The following PIBF1 variants were observed in gnomAD, a reference collection of about 807,000 sequenced individuals.
The protein encoded by PIBF1 is progesterone immunomodulatory binding factor 1.
PIBF1 carries 90 observed loss-of-function variants against 112.5 expected under a neutral mutation model. The observed-to-expected ratio is 0.80, with a 90% CI of 0.67 to 0.95. PIBF1 has a LOEUF of 0.95. Among genes scored for constraint, PIBF1 ranks in the 40% least tolerant of loss-of-function variants. The probability of loss-of-function intolerance (pLI) is 0.00; values close to 1 mark genes in which losing one functional copy is unlikely to be tolerated. For missense variants in PIBF1, 915 were observed against 852.3 expected, an observed-to-expected ratio of 1.07 and a Z score of -0.92; for synonymous variants, 301 against 288.6, an observed-to-expected ratio of 1.04 and a Z score of -0.44.
chr13:72,947,784 C>T (rs947524052), intron 14 of PIBF1, among the ~76,000 whole-genome samples: 4 of 152,128 alleles, frequency 2.6e-5, no homozygotes, highest in Non-Finnish European at 2.9e-5. Flanking sequence ...AACACGTGTA[C>T]GCATATATTT....
intron 11 of PIBF1, among the ~76,000 whole-genome samples, chr13:72,906,412 A>G (rs1354763228): frequency 6.6e-6 from 1 of 152,166 alleles, no homozygotes; most frequent in Non-Finnish European, 1.5e-5. Context: ...CCTAAAATTA[A>G]TGGGCTTATT....
intron 9 of PIBF1, among the ~76,000 whole-genome samples, chr13:72,850,658 G>T (rs976470498): frequency 1.3e-5 from 2 of 152,200 alleles, no homozygotes; most frequent in Non-Finnish European, 2.9e-5. Flanking sequence ...GAATAATGAA[G>T]CTGTATTTGA....
At chr13:72,991,320 A>G (rs990039951) in intron 16 of PIBF1, among the ~76,000 whole-genome samples, 3 of 152,230 alleles carry the variant, frequency 2.0e-5, no homozygotes, top group Non-Finnish European at 4.4e-5. Context: ...TCACAAGAAC[A>G]TCCTTGCCCT....
intron 16 of PIBF1, among the ~76,000 whole-genome samples, chr13:72,984,854 C>T (rs1030932922): frequency 6.6e-6 from 1 of 152,118 alleles, no homozygotes; most frequent in African/African-American, 2.4e-5. Context: ...ATTAATATCT[C>T]ATCATAAAAA....
At chr13:72,825,465 T>C (rs1007935834) in intron 6 of PIBF1, among the ~76,000 whole-genome samples, 5 of 152,170 alleles carry the variant, frequency 3.3e-5, no homozygotes, top group African/African-American at 4.8e-5. Flanking sequence ...GGTCCACTTA[T>C]ATTCAGGTTT....
intron 17 of PIBF1, among the ~76,000 whole-genome samples, chr13:73,012,593 A>C (rs9530135): frequency 0.12 from 18,047 of 151,456 alleles, 1,248 homozygotes; most frequent in Non-Finnish European, 0.16. Context: ...ACAAAAAAAA[A>C]CAAAAAAAAC....
In PIBF1 at chr13:72,834,614, A is replaced by G. The variant is rs551275449; in HGVS notation, c.1098-629A>G. On this transcript the variant is annotated intron_variant, in intron 8 of 17. Transcript: ENST00000326291. Reference sequence around the variant, plus strand: ...ATCCTGGGTGAGAGAGCAAGGCATTATCTCTTTAAGAAAAAAAGAAAAAAA... The same window carrying G: ...ATCCTGGGTGAGAGAGCAAGGCATTGTCTCTTTAAGAAAAAAAGAAAAAAA... 7.0e-4 allele frequency among the ~76,000 whole-genome samples: 107 copies of G among 152,294 alleles called. 1 individual carries two copies. The highest frequency in any genetic ancestry group is 2.6e-3 in the African/African-American group (107 of 41,564).
chr13:72,856,925 C>T lies in PIBF1; in HGVS notation c.1322+2770C>T, dbSNP rs538885210. 1.4e-3 allele frequency among the ~76,000 whole-genome samples: 216 copies of T among 152,198 alleles called. 1 individual carries two copies. Among genetic ancestry groups the T allele is most frequent in the African/African-American group, 5.1e-3 (211 of 41,556 alleles). ...GCCCATTCTTGTACATTTACTCTTCCATATAAATTTTTATAGTTACAGTTT... is the reference window on the plus strand; with the variant it reads ...GCCCATTCTTGTACATTTACTCTTCTATATAAATTTTTATAGTTACAGTTT... On this transcript the variant is annotated intron_variant, in intron 10 of 17. Coordinates refer to ENST00000326291, the MANE Select transcript of PIBF1 (RefSeq NM_006346.4).
chr13:72,901,699 A>T (rs1170324265), intron 11 of PIBF1, among the ~76,000 whole-genome samples: 1 of 151,934 alleles, frequency 6.6e-6, no homozygotes, highest in Non-Finnish European at 1.5e-5. Flanking sequence ...AAAAAAAAAA[A>T]ACCAACCAGT....
intron 11 of PIBF1, among the ~76,000 whole-genome samples, chr13:72,902,413 CT>C (rs1365602708): frequency 2.1e-5 from 3 of 145,386 alleles, no homozygotes; most frequent in Admixed American, 1.4e-4. Flanking sequence ...GGCTGTGTGG[CT>C]TTAAAAAAAA....
intron 14 of PIBF1, among the ~76,000 whole-genome samples, chr13:72,952,342 C>T (rs2138859626): frequency 6.6e-6 from 1 of 152,228 alleles, no homozygotes; most frequent in East Asian, 1.9e-4. Context: ...GCGTGAACCA[C>T]CATGCCCGGC....
At chr13:72,863,932 T>A (rs79991948) in intron 10 of PIBF1, among the ~76,000 whole-genome samples, 10,141 of 152,250 alleles carry the variant, frequency 0.067, 464 homozygotes, top group Non-Finnish European at 0.11. Context: ...AATGATCACA[T>A]TTTAAAAACA....
Position 72,827,860 on chromosome 13 carries a change from T to A in PIBF1, c.1043T>A (p.Leu348Gln). The A allele has an allele frequency of 6.3e-7, 1 of 1,592,654 alleles. No individual in the cohort carries two copies. Among genetic ancestry groups the A allele is most frequent in the African/African-American group, 1.3e-5 (1 of 74,624 alleles). ...EDRLERLQAQ[L>Q]EESKKAREEM... ...CGCCTTGAAAGACTTCAAGCTCAAC[T>A]GGAAGAAAGCAAAAAGGCTAGAGAA... The change falls in exon 8 of 18, where the codon CTG becomes CAG. Residue 348 changes from leucine to glutamine, a missense_variant. Transcript: ENST00000326291.
At chr13:73,012,420 A>C (rs1566547328) in intron 17 of PIBF1, among the ~76,000 whole-genome samples, 1 of 152,008 alleles carries the variant, frequency 6.6e-6, no homozygotes, top group African/African-American at 2.4e-5. Flanking sequence ...TGAAGAAAGA[A>C]TCTCTAACCT....
chr13:72,817,106 A>G (rs757556497), intron 5 of PIBF1, among the ~76,000 whole-genome samples: 1 of 152,240 alleles, frequency 6.6e-6, no homozygotes, highest in Non-Finnish European at 1.5e-5. Flanking sequence ...CTGCTGTCCA[A>G]TGTAAACTGC....
In PIBF1 at chr13:73,016,065, G is replaced by T; in HGVS notation, c.*146G>T. ...CTAATATTAAATTAACAAATTCAGT[G>T]TAATCAAAATGTGTAAAGAACAATC... On this transcript the variant is annotated 3_prime_UTR_variant, in exon 18 of 18. Coordinates refer to ENST00000326291, the MANE Select transcript of PIBF1 (RefSeq NM_006346.4). The T allele has an allele frequency of 2.9e-6, 1 of 342,296 alleles. No individual in the cohort carries two copies. Among genetic ancestry groups the T allele is most frequent in the East Asian group, 4.6e-5 (1 of 21,878 alleles). The allele number at this position is 342,296 out of a possible 1,614,324, so 21.2% of individuals were successfully genotyped here. A position where few individuals can be genotyped will look rare whatever the true frequency, so the allele number is the denominator to read the frequency against.
intron 10 of PIBF1, among the ~76,000 whole-genome samples, chr13:72,860,694 A>G: frequency 6.6e-6 from 1 of 152,142 alleles, no homozygotes; most frequent in Non-Finnish European, 1.5e-5. Flanking sequence ...ATCAAATGCC[A>G]CATTTTTATG....
intron 2 of PIBF1, among the ~76,000 whole-genome samples, chr13:72,783,974 G>A (rs930640870): frequency 6.6e-6 from 1 of 151,258 alleles, no homozygotes; most frequent in Non-Finnish European, 1.5e-5. Context: ...AGTTGAATAG[G>A]AGGAATACAT....
intron 14 of PIBF1, among the ~76,000 whole-genome samples, chr13:72,955,021 C>A (rs1398560704): frequency 6.6e-6 from 1 of 152,156 alleles, no homozygotes; most frequent in African/African-American, 2.4e-5. Flanking sequence ...GAGATAGGAC[C>A]TGGAGTTGGG....
Sources: allele counts gnomAD v4.1 joint callset (sites outside exome capture counted in the v4.1 genomes callset), GRCh38; gene constraint gnomAD v4.1.1; transcripts MANE v1.5; gene names NCBI Gene and HGNC (gene_info 2026-07-23, HGNC 2026-07-21).